The following IL13RA1 variants were observed in gnomAD, a reference collection of about 807,000 sequenced individuals.
IL13RA1 encodes the protein interleukin-13 receptor subunit alpha-1.
Under a neutral mutation model 33.8 loss-of-function variants are expected in IL13RA1, and 14 were observed. That is an observed-to-expected ratio of 0.41 (90% CI 0.27 to 0.65). The LOEUF (loss-of-function observed/expected upper bound fraction) is 0.65, where lower values mean the gene tolerates loss of function less well. Ranked by LOEUF, IL13RA1 falls within the 30% of genes least tolerant of loss-of-function variation. The pLI is 0.28. For synonymous variants in IL13RA1, 116 were observed against 115.7 expected, an observed-to-expected ratio of 1.00 and a Z score of -0.02; for missense variants, 313 against 327.0, an observed-to-expected ratio of 0.96 and a Z score of 0.33.
At chrX:118,800,360 A>G in the IL13RA1 span, among the ~76,000 whole-genome samples, 413 of 109,903 alleles carry the variant, frequency 3.8e-3, 2 homozygotes, top group African/African-American at 0.013. Context: ...GAGCTGTAAC[A>G]CTCACTGCGA....
intron 1 of IL13RA1, among the ~76,000 whole-genome samples, chrX:118,730,449 C>T (rs1205052912): frequency 8.9e-6 from 1 of 111,823 alleles, no homozygotes; most frequent in Non-Finnish European, 1.9e-5. Context: ...GCTAGATCTT[C>T]TGGATGACTG....
chrX:118,739,313 A>C (rs1247511585), intron 1 of IL13RA1, among the ~76,000 whole-genome samples: 1 of 111,963 alleles, frequency 8.9e-6, no homozygotes, highest in Non-Finnish European at 1.9e-5. Context: ...GAGAAACCTC[A>C]ACTACAGAGT....
At chrX:118,770,330 T>C in intron 8 of IL13RA1, 1 of 355,949 alleles carries the variant, frequency 2.8e-6, no homozygotes. Flanking sequence ...CGGCGAGCCC[T>C]ACGTGGAGGT....
At chrX:118,749,815 G>A (rs766979631) in intron 4 of IL13RA1, 37 bp downstream of exon 4, 5 of 1,007,757 alleles carry the variant, frequency 5.0e-6, no homozygotes, top group East Asian at 3.1e-5. Flanking sequence ...AAGACTGATT[G>A]TAATTGTGTT....
chrX:118,783,108 T>A (rs1014282846), intron 10 of IL13RA1, among the ~76,000 whole-genome samples: 4 of 112,048 alleles, frequency 3.6e-5, no homozygotes, highest in Non-Finnish European at 7.5e-5. Context: ...CTGGAAAATA[T>A]CTTAACCAAA....
At position 118,740,836 on chromosome X, in the gene IL13RA1, T is replaced by C. The variant is rs377521244; in HGVS notation, c.89-181T>C. Among the ~76,000 whole-genome samples the C allele has an allele frequency of 1.9e-4, 21 of 112,002 alleles. No individual in the cohort carries two copies. The South Asian group carries it at 7.5e-3, about 40-fold the overall frequency. On this transcript the variant is annotated intron_variant, in intron 1 of 10. Coordinates refer to ENST00000371666, the MANE Select transcript of IL13RA1 (RefSeq NM_001560.3). ...CTAATACTAGTCCCTATCTCCAAGA[T>C]TGTTGTGAGGATTAAATGGATTAAT...
At chrX:118,729,580 TGA>T (rs897381429) in intron 1 of IL13RA1, among the ~76,000 whole-genome samples, 1 of 112,121 alleles carries the variant, frequency 8.9e-6, no homozygotes, top group African/African-American at 3.2e-5. Context: ...TTTATAAAAG[TGA>T]TTAGATTACT....
intron 5 of IL13RA1, among the ~76,000 whole-genome samples, chrX:118,760,675 A>G (rs1425181094): frequency 8.9e-6 from 1 of 112,128 alleles, no homozygotes. Flanking sequence ...AAAACTATGT[A>G]TCTGATCATG....
intron 4 of IL13RA1, among the ~76,000 whole-genome samples, chrX:118,751,066 C>G (rs1420738371): frequency 1.8e-5 from 2 of 112,138 alleles, no homozygotes; most frequent in African/African-American, 6.5e-5. Flanking sequence ...CTCGGCCTCC[C>G]AAAGTGCTGG....
At chrX:118,744,625 A>C (rs1320289012) in intron 2 of IL13RA1, among the ~76,000 whole-genome samples, 1 of 111,011 alleles carries the variant, frequency 9.0e-6, no homozygotes, top group Admixed American at 9.6e-5. Flanking sequence ...CTGGTTTCCA[A>C]CTCCTGACCT....
rs12853794 is a variant in IL13RA1, at chrX:118,773,934, C to T, written c.1065C>T (p.Ile355=). The T allele has an allele frequency of 1.3e-4, 144 of 1,089,298 alleles. No individual in the cohort carries two copies. The African/African-American group carries it at 1.9e-3, about 15-fold the overall frequency. The allele number at this position is 1,089,298 out of a possible 1,213,427, so 89.8% of individuals were successfully genotyped here. ...YITMLLIVPV[I]VAGAIIVLLL... ...CCATGTTACTCATTGTTCCAGTCATCGTCGCAGGTGCAATCATAGTACTCC... is the reference window on the plus strand; with the variant it reads ...CCATGTTACTCATTGTTCCAGTCATTGTCGCAGGTGCAATCATAGTACTCC... Residue 355 remains isoleucine, a synonymous_variant, in exon 9 of 11, where the codon ATC becomes ATT. Coordinates refer to ENST00000371666, the MANE Select transcript of IL13RA1 (RefSeq NM_001560.3).
At chrX:118,800,441 C>T in the IL13RA1 span, among the ~76,000 whole-genome samples, 1 of 110,509 alleles carries the variant, frequency 9.0e-6, no homozygotes, top group Admixed American at 9.6e-5. Flanking sequence ...ACTCCAGACG[C>T]GCTACCTTAA....
chrX:118,778,016 T>G (rs1272549485), intron 10 of IL13RA1, among the ~76,000 whole-genome samples: 2 of 111,263 alleles, frequency 1.8e-5, no homozygotes, highest in Non-Finnish European at 3.8e-5. Context: ...AGCTTCTCTG[T>G]GACTCAATTT....
intron 1 of IL13RA1, among the ~76,000 whole-genome samples, chrX:118,731,490 T>C (rs2017217627): frequency 9.3e-6 from 1 of 106,954 alleles, no homozygotes; most frequent in Non-Finnish European, 1.9e-5. Flanking sequence ...GGCAGGAGAA[T>C]CGCTTGAACC....
Position 118,778,484 on chromosome X carries a change from G to T in IL13RA1, c.1191+1973G>T, listed in dbSNP as rs751634808. 4.9e-4 allele frequency among the ~76,000 whole-genome samples: 55 copies of T among 111,224 alleles called. 1 individual carries two copies. The highest frequency in any genetic ancestry group is 1.8e-3 in the African/African-American group (55 of 30,608). On this transcript the variant is annotated intron_variant, in intron 10 of 10. Transcript: ENST00000371666. ...ACTTTAGTTGAGTCACAGTCAACTG[G>T]AGTGCTTACAAGAAATACAGATTTC... is the stretch of plus-strand genomic sequence containing the variant.
intron 4 of IL13RA1, among the ~76,000 whole-genome samples, chrX:118,757,832 A>G (rs1480010635): frequency 1.9e-5 from 2 of 106,827 alleles, no homozygotes; most frequent in South Asian, 4.2e-4. Flanking sequence ...GTGGGATTAC[A>G]AGCACCTGCC....
At chrX:118,731,642 A>G (rs960999464) in intron 1 of IL13RA1, among the ~76,000 whole-genome samples, 3 of 112,239 alleles carry the variant, frequency 2.7e-5, no homozygotes. Context: ...GCAGATAGCT[A>G]ACACATAGCA....
In IL13RA1 at chrX:118,773,919, C is replaced by T. The variant is rs144170222; in HGVS notation, c.1050C>T (p.Leu350=). ...RNSTLYITML[L]IVPVIVAGAI... ...CCACACTCTACATAACCATGTTACT[C>T]ATTGTTCCAGTCATCGTCGCAGGTG... Residue 350 remains leucine, a synonymous_variant, in exon 9 of 11, where the codon CTC becomes CTT. Coordinates refer to ENST00000371666, the MANE Select transcript of IL13RA1 (RefSeq NM_001560.3). The T allele has an allele frequency of 0.021, 23,452 of 1,092,193 alleles. 266 individuals carry two copies. The highest frequency in any genetic ancestry group is 0.048 in the East Asian group (1,600 of 33,146). The allele number at this position is 1,092,193 out of a possible 1,213,427, so 90.0% of individuals were successfully genotyped here. A position where few individuals can be genotyped will look rare whatever the true frequency, so the allele number is the denominator to read the frequency against.
intron 10 of IL13RA1, 30 bp downstream of exon 10, chrX:118,776,541 G>GTTTTTTTT (rs5903529): frequency 4.1e-5 from 9 of 219,744 alleles, no homozygotes; most frequent in South Asian, 2.5e-4. Flanking sequence ...GGCTTGAAAT[G>GTTTTTTTT]TTTTTTTTTT....
Sources: allele counts gnomAD v4.1 joint callset (sites outside exome capture counted in the v4.1 genomes callset), GRCh38; gene constraint gnomAD v4.1.1; transcripts MANE v1.5; gene names NCBI Gene and HGNC (gene_info 2026-07-23, HGNC 2026-07-21).